Variants in APBA2 observed in about 807,000 individuals in gnomAD.
APBA2 encodes the protein amyloid beta precursor protein binding family A member 2.
Under a neutral mutation model 75.0 loss-of-function variants are expected in APBA2, and 30 were observed. The ratio of observed to expected loss-of-function variants is 0.40; its 90% CI spans 0.30 to 0.54. The LOEUF is 0.54. Ranked by LOEUF, APBA2 falls within the 20% of genes least tolerant of loss-of-function variation. APBA2 has a pLI of 0.49. For missense variants in APBA2, 801 were observed against 1,016.1 expected (o/e 0.79, Z 2.88); for synonymous variants, 444 against 409.6 (o/e 1.08, Z -1.01).
At chr15:28,901,838 T>C (rs911956755) in intron 1 of APBA2, among the ~76,000 whole-genome samples, 12 of 149,352 alleles carry the variant, frequency 8.0e-5, no homozygotes, top group African/African-American at 3.0e-4. Flanking sequence ...GCCGAGGGCA[T>C]CATGCCAGAT....
At chr15:29,091,334 G>T (rs546775098) in intron 6 of APBA2, among the ~76,000 whole-genome samples, 4 of 152,132 alleles carry the variant, frequency 2.6e-5, no homozygotes, top group African/African-American at 9.7e-5. Flanking sequence ...GACCCCAGGG[G>T]CACGCAGACC....
chr15:28,917,572 T>C (rs60959391), intron 1 of APBA2, among the ~76,000 whole-genome samples: 5,793 of 151,906 alleles, frequency 0.038, 371 homozygotes, highest in East Asian at 0.31. Flanking sequence ...AGTTCTCCTG[T>C]ACACCCTCAC....
chr15:28,982,017 C>T (rs182759060), intron 2 of APBA2, among the ~76,000 whole-genome samples: 85 of 152,248 alleles, frequency 5.6e-4, no homozygotes, highest in Non-Finnish European at 1.0e-3. Flanking sequence ...AGGGTGACAG[C>T]GGGGCAAGGG....
chr15:29,005,804 C>T (rs936298003), intron 3 of APBA2, among the ~76,000 whole-genome samples: 5 of 152,156 alleles, frequency 3.3e-5, no homozygotes, highest in African/African-American at 1.2e-4. Context: ...GCAGAGGTTG[C>T]AGTGAGCCGA....
At chr15:28,983,492 T>G (rs1306113905) in intron 2 of APBA2, among the ~76,000 whole-genome samples, 1 of 152,072 alleles carries the variant, frequency 6.6e-6, no homozygotes, top group Non-Finnish European at 1.5e-5. Context: ...TTTTCTAGAG[T>G]CTCTCCCAGC....
At chr15:29,095,578 C>T (rs1204055853) in intron 8 of APBA2, among the ~76,000 whole-genome samples, 1 of 152,252 alleles carries the variant, frequency 6.6e-6, no homozygotes, top group Non-Finnish European at 1.5e-5. Context: ...GGGTCCTTGG[C>T]ACTGGCTTAT....
At chr15:28,981,484 A>G (rs1041156062) in intron 2 of APBA2, among the ~76,000 whole-genome samples, 6 of 152,184 alleles carry the variant, frequency 3.9e-5, no homozygotes, top group African/African-American at 7.2e-5. Flanking sequence ...CAGAATGGCT[A>G]TTTTTCAAAA....
At chr15:29,089,293 T>G (rs1490494358) in intron 6 of APBA2, among the ~76,000 whole-genome samples, 1 of 152,218 alleles carries the variant, frequency 6.6e-6, no homozygotes, top group African/African-American at 2.4e-5. Flanking sequence ...TTTGTAAAAT[T>G]GGGACCCTGA....
chr15:28,926,086 T>C (rs2034245021), intron 2 of APBA2, among the ~76,000 whole-genome samples: 1 of 152,210 alleles, frequency 6.6e-6, no homozygotes, highest in African/African-American at 2.4e-5. Flanking sequence ...AGTAGATATC[T>C]TGTAGATAGC....
chr15:29,103,440 G>A (rs757396228), intron 10 of APBA2, among the ~76,000 whole-genome samples: 3 of 152,224 alleles, frequency 2.0e-5, no homozygotes, highest in Non-Finnish European at 4.4e-5. Flanking sequence ...GCTTGGCTGC[G>A]AGTTGGGGCC....
At chr15:29,112,467 C>T (rs1418012341) in intron 13 of APBA2, among the ~76,000 whole-genome samples, 4 of 152,174 alleles carry the variant, frequency 2.6e-5, no homozygotes, top group African/African-American at 7.2e-5. Flanking sequence ...TGTGTACACG[C>T]ATGTGTGTTT....
intron 1 of APBA2, among the ~76,000 whole-genome samples, chr15:28,895,803 G>A (rs1263814514): frequency 6.6e-6 from 1 of 152,108 alleles, no homozygotes; most frequent in Non-Finnish European, 1.5e-5. Flanking sequence ...CCTGCTGCTT[G>A]TTAGGCTCCT....
At chr15:29,064,121 C>G (rs73370210) in intron 4 of APBA2, among the ~76,000 whole-genome samples, 109 of 152,266 alleles carry the variant, frequency 7.2e-4, no homozygotes, top group Non-Finnish European at 6.9e-4. Context: ...TTTCTCACAC[C>G]GAATATCTAA....
intron 10 of APBA2, among the ~76,000 whole-genome samples, 197 bp from the exon 11 acceptor site, chr15:29,105,182 G>A (rs2044331703): frequency 6.6e-6 from 1 of 152,212 alleles, no homozygotes; most frequent in African/African-American, 2.4e-5. Flanking sequence ...GCTCACGGTG[G>A]AGTGCTGGTG....
chr15:28,938,805 G>A (rs2035024280), intron 2 of APBA2, among the ~76,000 whole-genome samples: 1 of 152,128 alleles, frequency 6.6e-6, no homozygotes, highest in African/African-American at 2.4e-5. Context: ...CACCGCACCT[G>A]GCCTACATGT....
chr15:29,116,397 C>T (rs1007946987), intron 14 of APBA2, among the ~76,000 whole-genome samples: 2 of 152,068 alleles, frequency 1.3e-5, no homozygotes, highest in East Asian at 1.9e-4. Context: ...GAGGCCGAGG[C>T]GGGCGTATCA....
intron 7 of APBA2, 99 bp downstream of exon 7, chr15:29,093,319 C>A: frequency 6.6e-7 from 1 of 1,504,666 alleles, no homozygotes; most frequent in Non-Finnish European, 9.0e-7. Flanking sequence ...CCAGCTCGGA[C>A]TGCACAGCCC....
chr15:28,937,336 C>T (rs2034935077), intron 2 of APBA2, among the ~76,000 whole-genome samples: 1 of 152,190 alleles, frequency 6.6e-6, no homozygotes, highest in African/African-American at 2.4e-5. Flanking sequence ...TTGAGAGGGT[C>T]ACATTCAGGT....
intron 1 of APBA2, among the ~76,000 whole-genome samples, chr15:28,889,753 G>C (rs1436926705): frequency 6.6e-6 from 1 of 152,160 alleles, no homozygotes; most frequent in East Asian, 1.9e-4. Flanking sequence ...CCCTTGGCAT[G>C]AGCCACCCCC....
Sources: gnomAD v4.1 joint callset for allele counts (sites outside exome capture counted in the v4.1 genomes callset) on GRCh38, gnomAD v4.1.1 for gene constraint, MANE v1.5 for transcripts, NCBI Gene and HGNC (gene_info 2026-07-23, HGNC 2026-07-21) for gene names.